LBP: variants seen among roughly 807,000 people sequenced by gnomAD.
The protein encoded by LBP is lipopolysaccharide binding protein.
Under a neutral mutation model 56.6 loss-of-function variants are expected in LBP, and 53 were observed. The ratio of observed to expected loss-of-function variants is 0.94; its 90% confidence interval spans 0.75 to 1.18. LBP has a LOEUF of 1.18. Among genes scored for constraint, LBP ranks in the 50% most tolerant of loss-of-function variants. The probability of loss-of-function intolerance (pLI) is 0.00; values close to 1 mark genes in which losing one functional copy is unlikely to be tolerated. For synonymous variants in LBP, 227 were observed against 247.5 expected (o/e 0.92, Z 0.78); for missense variants, 601 against 598.3 (o/e 1.00, Z -0.05).
At chr20:38,365,975 C>T (rs1264251604) in intron 8 of LBP, among the ~76,000 whole-genome samples, 1 of 152,012 alleles carries the variant, frequency 6.6e-6, no homozygotes, top group Non-Finnish European at 1.5e-5. Context: ...CCTCACACCC[C>T]CAAAACAACT....
chr20:38,348,921 G>A (rs2076810889), intron 1 of LBP, among the ~76,000 whole-genome samples: 1 of 152,124 alleles, frequency 6.6e-6, no homozygotes, highest in African/African-American at 2.4e-5. Context: ...AGCCTCCTGA[G>A]TAGCTGAGAC....
chr20:38,348,863 G>C (rs1009411254), intron 1 of LBP, among the ~76,000 whole-genome samples: 3 of 151,376 alleles, frequency 2.0e-5, no homozygotes, highest in Non-Finnish European at 2.9e-5. Flanking sequence ...GTGCGATCTC[G>C]GCTCACTGCA....
intron 9 of LBP, 85 bp from the exon 10 acceptor site, chr20:38,368,910 C>G: frequency 1.4e-6 from 2 of 1,382,620 alleles, no homozygotes; most frequent in Admixed American, 1.8e-5. Flanking sequence ...AAAGCAACTT[C>G]CAGCTTTATC....
Position 38,354,275 on chromosome 20 carries a change from C to T in LBP, c.369-9C>T, listed in dbSNP as rs2076830534. 1 of 1,609,236 alleles carries T rather than the reference C, an allele frequency of 6.2e-7. No individual in the cohort carries two copies. Among genetic ancestry groups the T allele is most frequent in the African/African-American group, 1.3e-5 (1 of 74,758 alleles). Reference sequence around the variant, plus strand: ...AGGAACTAACCATGGCTTCTCTTACCTCCTCCAGCAAACTACAGGGCTCCT... The same window carrying T: ...AGGAACTAACCATGGCTTCTCTTACTTCCTCCAGCAAACTACAGGGCTCCT... On this transcript the variant is annotated splice_polypyrimidine_tract_variant and intron_variant, in intron 3 of 14. Coordinates refer to ENST00000217407, the MANE Select transcript of LBP (RefSeq NM_004139.5).
At chr20:38,371,728 T>A (rs546897693) in intron 12 of LBP, among the ~76,000 whole-genome samples, 1 of 152,346 alleles carries the variant, frequency 6.6e-6, no homozygotes, top group South Asian at 2.1e-4. Flanking sequence ...CTGTTCTGTT[T>A]TCATTTGTGT....
At chr20:38,375,694 C>G (rs2083954801) in intron 14 of LBP, among the ~76,000 whole-genome samples, 1 of 151,964 alleles carries the variant, frequency 6.6e-6, no homozygotes, top group Non-Finnish European at 1.5e-5. Context: ...TTATTCTGAC[C>G]AAGCATTTTG....
At chr20:38,351,027 A>G in intron 3 of LBP, 88 bp downstream of exon 3, 1 of 1,527,260 alleles carries the variant, frequency 6.5e-7, no homozygotes, top group Non-Finnish European at 8.9e-7. Context: ...CTAGCTTATC[A>G]GAAAGGCCAC....
intron 9 of LBP, among the ~76,000 whole-genome samples, 154 bp from the exon 10 acceptor site, chr20:38,368,841 C>T (rs1436936860): frequency 6.6e-6 from 1 of 152,148 alleles, no homozygotes; most frequent in African/African-American, 2.4e-5. Context: ...GGAGAGATGG[C>T]CAGTTTTGCC....
rs1401843412 is a variant in LBP, at chr20:38,368,880, G to T, written c.982-115G>T. On this transcript the variant is annotated intron_variant, in intron 9 of 14. Transcript: ENST00000217407. ...AGGAGAAAAAGGCACAGAGAATTTTGTTGGAAATAAAATCAATCGAAAGCA... is the reference window on the plus strand; with the variant it reads ...AGGAGAAAAAGGCACAGAGAATTTTTTTGGAAATAAAATCAATCGAAAGCA... The T allele has an allele frequency of 2.8e-6, 3 of 1,074,938 alleles. 1 individual carries two copies. The South Asian group carries it at 4.2e-5, about 15-fold the overall frequency. The allele number at this position is 1,074,938 out of a possible 1,614,324, so 66.6% of individuals were successfully genotyped here. A position where few individuals can be genotyped will look rare whatever the true frequency, so the allele number is the denominator to read the frequency against.
chr20:38,355,236 G>A (rs2076834565), intron 4 of LBP, 110 bp from the exon 5 acceptor site: 1 of 924,644 alleles, frequency 1.1e-6, no homozygotes, highest in Non-Finnish European at 1.8e-6. Flanking sequence ...CGCCGGGAAG[G>A]GGTGGAGAGG....
At chr20:38,357,627 G>A (rs1398127848) in intron 5 of LBP, among the ~76,000 whole-genome samples, 2 of 152,226 alleles carry the variant, frequency 1.3e-5, no homozygotes, top group African/African-American at 4.8e-5. Context: ...TTTGGGGTGA[G>A]TTCATAAAGT....
At chr20:38,348,548 T>C (rs1460512657) in intron 1 of LBP, among the ~76,000 whole-genome samples, 1 of 152,130 alleles carries the variant, frequency 6.6e-6, no homozygotes, top group Non-Finnish European at 1.5e-5. Flanking sequence ...TCCACCCGCC[T>C]CGGCCTCCCA....
chr20:38,373,762 C>CTCAGTT (rs1257952725), intron 13 of LBP, among the ~76,000 whole-genome samples, 175 bp from the exon 14 acceptor site: 1 of 152,162 alleles, frequency 6.6e-6, no homozygotes, highest in African/African-American at 2.4e-5. Context: ...CACTCTGTGC[C>CTCAGTT]TCAGTTTCCT....
Position 38,376,820 on chromosome 20 carries a change from T to A in LBP, c.*151T>A. Reference sequence around the variant, plus strand: ...TGCCTGGCCTCTGCCTCCACCCTCCTCCTCTTCACCAGGTGCATGCATGCC... The same window carrying A: ...TGCCTGGCCTCTGCCTCCACCCTCCACCTCTTCACCAGGTGCATGCATGCC... On this transcript the variant is annotated 3_prime_UTR_variant, in exon 15 of 15. Coordinates refer to ENST00000217407, the MANE Select transcript of LBP (RefSeq NM_004139.5). 1.3e-6 allele frequency: 1 copy of A among 787,354 alleles called. No homozygotes were observed. The highest frequency in any genetic ancestry group is 2.2e-6 in the Non-Finnish European group (1 of 450,094). 48.8% of individuals were successfully genotyped at this position (787,354 alleles called of 1,614,324 possible).
At chr20:38,352,778 T>A (rs1260465730) in intron 3 of LBP, among the ~76,000 whole-genome samples, 5 of 152,078 alleles carry the variant, frequency 3.3e-5, no homozygotes, top group Admixed American at 3.3e-4. Flanking sequence ...AATTAGTTAA[T>A]TAAATAAAAT....
rs1172776804 is a variant in LBP, at chr20:38,373,959, C to A, written c.1347C>A (p.Pro449=). 6.2e-7 allele frequency: 1 copy of A among 1,614,156 alleles called. No homozygotes were observed. The highest frequency in any genetic ancestry group is 1.1e-5 in the South Asian group (1 of 91,066). ...TAGATAAGTTGGCCGAAGGCTTCCC[C>A]CTTCCTCTGCTGAAGCGTGTTCAGC... ...KFNDKLAEGF[P]LPLLKRVQLY... The change falls in exon 14 of 15, where the codon CCC becomes CCA. Residue 449 remains proline, a synonymous_variant. Transcript: ENST00000217407.
chr20:38,358,269 G>A lies in LBP; in HGVS notation c.589-2435G>A, dbSNP rs376970923. On this transcript the variant is annotated intron_variant, in intron 5 of 14. Transcript: ENST00000217407. ...AGAGAGGTTCTGCAAAGGTCAAACA[G>A]CCATTGGGGACTGGGCAGGATTTGA... Among the ~76,000 whole-genome samples, 4 of 152,332 alleles carry A rather than the reference G, an allele frequency of 2.6e-5. No homozygotes were observed. The East Asian group carries it at 7.7e-4, about 29-fold the overall frequency.
At position 38,376,764 on chromosome 20, in the gene LBP, C is replaced by T; in HGVS notation, c.*95C>T. ...CTCAGAGATTCTTGAAGAATGAAGA[C>T]ATTTCTGCTCTCAGCTCCGGGGGTG... On this transcript the variant is annotated 3_prime_UTR_variant, in exon 15 of 15. Coordinates refer to ENST00000217407, the MANE Select transcript of LBP (RefSeq NM_004139.5). The T allele has an allele frequency of 4.0e-6, 5 of 1,256,750 alleles. No individual in the cohort carries two copies. Among genetic ancestry groups the T allele is most frequent in the Non-Finnish European group, 4.6e-6 (4 of 861,000 alleles). The allele number at this position is 1,256,750 out of a possible 1,614,324, so 77.8% of individuals were successfully genotyped here. A position where few individuals can be genotyped will look rare whatever the true frequency, so the allele number is the denominator to read the frequency against.
intron 5 of LBP, among the ~76,000 whole-genome samples, chr20:38,358,768 T>G (rs2076849729): frequency 6.6e-6 from 1 of 152,214 alleles, no homozygotes; most frequent in African/African-American, 2.4e-5. Flanking sequence ...AGGCCAGGGC[T>G]CTGCATGTCC....
Sources: allele counts gnomAD v4.1 joint callset (sites outside exome capture counted in the v4.1 genomes callset), GRCh38; gene constraint gnomAD v4.1.1; transcripts MANE v1.5; gene names NCBI Gene and HGNC (gene_info 2026-07-23, HGNC 2026-07-21).